OLA1: variants seen among roughly 807,000 people sequenced by gnomAD.
OLA1 encodes obg-like ATPase 1.
OLA1 carries 14 observed loss-of-function variants against 48.4 expected under a neutral mutation model. That is an observed-to-expected ratio of 0.29 (90% CI 0.19 to 0.45). The LOEUF (loss-of-function observed/expected upper bound fraction) is 0.45, where lower values mean the gene tolerates loss of function less well. Ranked by LOEUF, OLA1 falls within the 20% of genes least tolerant of loss-of-function variation. OLA1 has a pLI of 1.00. For missense variants in OLA1, 325 were observed against 467.1 expected (o/e 0.70, Z 2.80); for synonymous variants, 127 against 150.4 (o/e 0.84, Z 1.14).
intron 5 of OLA1, among the ~76,000 whole-genome samples, chr2:174,137,389 C>T (rs1005733629): frequency 5.3e-5 from 8 of 152,286 alleles, no homozygotes; most frequent in South Asian, 2.1e-4. Flanking sequence ...TAGTATAACT[C>T]GCAAAGGCTC....
At chr2:174,170,567 AAC>A (rs1305204377) in intron 4 of OLA1, among the ~76,000 whole-genome samples, 1 of 152,190 alleles carries the variant, frequency 6.6e-6, no homozygotes, top group African/African-American at 2.4e-5. Flanking sequence ...AATAAAATAG[AAC>A]ACAATCATAT....
chr2:174,170,781 G>C (rs564944423), intron 4 of OLA1, among the ~76,000 whole-genome samples: 7 of 152,290 alleles, frequency 4.6e-5, no homozygotes, highest in African/African-American at 1.7e-4. Context: ...ACATGAGCCT[G>C]TAGTCCCACT....
At chr2:174,230,383 AC>A (rs1688701383) in intron 2 of OLA1, among the ~76,000 whole-genome samples, 1 of 152,160 alleles carries the variant, frequency 6.6e-6, no homozygotes, top group Non-Finnish European at 1.5e-5. Context: ...TTTCAGAATA[AC>A]CAATAGTTAT....
intron 4 of OLA1, among the ~76,000 whole-genome samples, chr2:174,190,422 C>A (rs10930648): frequency 0.11 from 16,700 of 151,986 alleles, 1,352 homozygotes; most frequent in African/African-American, 0.23. Flanking sequence ...CTGAGACTCA[C>A]GAAGCTTAAA....
chr2:174,144,951 A>AAAAAAAATATATATAT (rs1181030817), intron 4 of OLA1, among the ~76,000 whole-genome samples: 2 of 40,296 alleles, frequency 5.0e-5, no homozygotes, highest in Non-Finnish European at 8.0e-5. Context: ...AAAAAAAAAA[A>AAAAAAAATATATATAT]ATATATATAT....
At chr2:174,229,573 G>T in intron 2 of OLA1, 122 bp from the exon 3 acceptor site, 1 of 677,626 alleles carries the variant, frequency 1.5e-6, no homozygotes, top group Non-Finnish European at 2.5e-6. Context: ...TACAAAGAGA[G>T]GGAAAAAGGA....
chr2:174,123,753 T>A, intron 5 of OLA1, 78 bp from the exon 6 acceptor site: 1 of 655,250 alleles, frequency 1.5e-6, no homozygotes, highest in Admixed American at 3.0e-5. Context: ...AGTTTTCAAA[T>A]TTTCAAAATA....
intron 7 of OLA1, among the ~76,000 whole-genome samples, chr2:174,086,868 C>G (rs1292182377): frequency 6.6e-6 from 1 of 152,106 alleles, no homozygotes; most frequent in East Asian, 1.9e-4. Context: ...CGGCAGAAAG[C>G]AAAACTGCAG....
At chr2:174,219,921 G>C (rs548126682) in intron 4 of OLA1, among the ~76,000 whole-genome samples, 7 of 152,142 alleles carry the variant, frequency 4.6e-5, no homozygotes, top group African/African-American at 7.2e-5. Flanking sequence ...CACTTGAGGT[G>C]AGGAGTTCAG....
chr2:174,155,193 T>C (rs746304953), intron 4 of OLA1, among the ~76,000 whole-genome samples: 8 of 152,174 alleles, frequency 5.3e-5, no homozygotes, highest in Non-Finnish European at 1.0e-4. Context: ...ATCTTAAGTG[T>C]CTTTCTAGTT....
intron 2 of OLA1, among the ~76,000 whole-genome samples, chr2:174,242,787 T>C (rs2105467184): frequency 6.6e-6 from 1 of 152,298 alleles, no homozygotes; most frequent in Non-Finnish European, 1.5e-5. Flanking sequence ...GCCCCCAATA[T>C]TCTCTAAGCC....
At chr2:174,111,927 C>A (rs1685661478) in intron 7 of OLA1, among the ~76,000 whole-genome samples, 1 of 152,176 alleles carries the variant, frequency 6.6e-6, no homozygotes, top group Non-Finnish European at 1.5e-5. Context: ...ACTGTCCCTA[C>A]AATGGCTATT....
chr2:174,231,474 T>A (rs1039312736), intron 2 of OLA1, among the ~76,000 whole-genome samples: 1 of 152,094 alleles, frequency 6.6e-6, no homozygotes, highest in African/African-American at 2.4e-5. Flanking sequence ...AGGCCATAGG[T>A]TGTTTATGGA....
At chr2:174,246,886 C>A in intron 1 of OLA1, 71 bp from the exon 2 acceptor site, 1 of 816,754 alleles carries the variant, frequency 1.2e-6, no homozygotes. Flanking sequence ...CATTTCATCA[C>A]ATACAATATA....
At chr2:174,230,553 C>T in intron 2 of OLA1, among the ~76,000 whole-genome samples, 1 of 152,080 alleles carries the variant, frequency 6.6e-6, no homozygotes, top group South Asian at 2.1e-4. Flanking sequence ...AAAATAGTAC[C>T]TCCTGAAAGA....
chr2:174,221,605 G>A (rs943831273), intron 4 of OLA1, among the ~76,000 whole-genome samples: 4 of 151,982 alleles, frequency 2.6e-5, no homozygotes, highest in South Asian at 4.1e-4. Flanking sequence ...CTTCTGTCAC[G>A]TGTGTCCTAT....
At chr2:174,203,021 T>A (rs1688024887) in intron 4 of OLA1, among the ~76,000 whole-genome samples, 1 of 152,090 alleles carries the variant, frequency 6.6e-6, no homozygotes, top group African/African-American at 2.4e-5. Flanking sequence ...ACAGAAACCA[T>A]CTGTAACTAT....
intron 4 of OLA1, among the ~76,000 whole-genome samples, chr2:174,206,388 CA>C (rs573133365): frequency 5.3e-5 from 8 of 150,856 alleles, no homozygotes; most frequent in Admixed American, 3.3e-4. Flanking sequence ...AACAAACAAA[CA>C]AAAAAAAACT....
At chr2:174,233,224 G>A (rs1574569725) in intron 2 of OLA1, among the ~76,000 whole-genome samples, 1 of 152,098 alleles carries the variant, frequency 6.6e-6, no homozygotes, top group South Asian at 2.1e-4. Flanking sequence ...CAGGGGCTGG[G>A]GGGAAAGAGA....
Sources: allele counts gnomAD v4.1 joint callset (sites outside exome capture counted in the v4.1 genomes callset), GRCh38; gene constraint gnomAD v4.1.1; transcripts MANE v1.5; gene names NCBI Gene and HGNC (gene_info 2026-07-23, HGNC 2026-07-21).